The following GSDME variants were observed in gnomAD, a reference collection of about 807,000 sequenced individuals.
The protein encoded by GSDME is gasdermin-E.
GSDME carries 44 observed loss-of-function variants against 47.5 expected under a neutral mutation model. The observed-to-expected ratio is 0.93, with a 90% CI of 0.73 to 1.19. The LOEUF is 1.19. Ranked by LOEUF, GSDME falls within the 50% of genes most tolerant of loss-of-function variation. The pLI is 0.00. For missense variants in GSDME, 663 were observed against 604.2 expected (o/e 1.10, Z -1.02); for synonymous variants, 258 against 252.8 (o/e 1.02, Z -0.20).
At chr7:24,763,217 T>C in the GSDME span, among the ~76,000 whole-genome samples, 1 of 152,112 alleles carries the variant, frequency 6.6e-6, no homozygotes, top group Non-Finnish European at 1.5e-5. This position sits in a 1 kb window ranked among gnomAD's most constrained non-coding sequence, Gnocchi z 4.3. Context: ...CTAGCACAAA[T>C]TTCTTTTCTC....
chr7:24,786,914 T>G, the GSDME span, among the ~76,000 whole-genome samples: 1 of 152,306 alleles, frequency 6.6e-6, no homozygotes, highest in Non-Finnish European at 1.5e-5. The surrounding 1 kb of genome is among the most constrained non-coding windows in gnomAD (Gnocchi z 5.5). Context: ...TCTCTCTTAA[T>G]TCCCTGGGTT....
rs3038356 is a variant in GSDME at position 24,744,923 on chromosome 7, C to CGTGTGTGTGTGTGT, written c.212-183_212-170dup. Reference sequence around the variant, plus strand: ...GTGTGGGCAAGAAAACAGGGCAGCACGTGTGTGTGTGTGTGTGTGTGTGTG... The same window carrying CGTGTGTGTGTGTGT: ...GTGTGGGCAAGAAAACAGGGCAGCACGTGTGTGTGTGTGTGTGTGTGTGTGTGTGTGTGTGTGTG... On this transcript the variant is annotated intron_variant, in intron 2 of 9. Transcript: ENST00000645220. This position sits in a 1 kb window ranked among gnomAD's most constrained non-coding sequence, Gnocchi z 4.5. Among the ~76,000 whole-genome samples, 4,340 of 140,172 alleles carry CGTGTGTGTGTGTGT rather than the reference C, an allele frequency of 0.031. 104 individuals carry two copies. The highest frequency in any genetic ancestry group is 0.044 in the Non-Finnish European group (2,872 of 65,060). 92.0% of individuals were successfully genotyped at this position (140,172 alleles called of 152,430 possible). A position where few individuals can be genotyped will look rare whatever the true frequency, so the allele number is the denominator to read the frequency against.
chr7:24,749,424 C>T (rs886249757), intron 2 of GSDME, 140 bp downstream of exon 2: 2 of 731,198 alleles, frequency 2.7e-6, no homozygotes, highest in East Asian at 5.1e-5. Context: ...ATCACCTGAA[C>T]CTGGGAGGCA....
At chr7:24,707,634 G>A in intron 7 of GSDME, 1 of 356,114 alleles carries the variant, frequency 2.8e-6, no homozygotes, top group Non-Finnish European at 5.4e-6. Context: ...AGATTGGGGT[G>A]GGCCCTAAAT....
At chr7:24,708,304 C>A in intron 6 of GSDME, 50 bp from the exon 7 acceptor site, 1 of 1,610,108 alleles carries the variant, frequency 6.2e-7, no homozygotes, top group East Asian at 2.2e-5. Flanking sequence ...GCACATCTCA[C>A]GACGTCGGAC....
chr7:24,778,544 T>C, the GSDME span, among the ~76,000 whole-genome samples: 1 of 152,094 alleles, frequency 6.6e-6, no homozygotes, highest in African/African-American at 2.4e-5. The surrounding 1 kb of genome is among the most constrained non-coding windows in gnomAD (Gnocchi z 5.6). Flanking sequence ...ATACTAGAAT[T>C]GGGAAAGTCC....
intron 5 of GSDME, among the ~76,000 whole-genome samples, chr7:24,711,917 A>G (rs533008132): frequency 4.6e-5 from 7 of 152,048 alleles, no homozygotes; most frequent in Non-Finnish European, 8.8e-5. Flanking sequence ...GTAAGTTATT[A>G]CGTCCTTGCT....
At chr7:24,760,003 ATCT>A (rs1322877542), upstream of GSDME, among the ~76,000 whole-genome samples, 2 of 152,278 alleles carry the variant, frequency 1.3e-5, no homozygotes, top group African/African-American at 4.8e-5. The surrounding 1 kb of genome is among the most constrained non-coding windows in gnomAD (Gnocchi z 4.2). Context: ...TGGAACTCCA[ATCT>A]TCTTATTCCA....
At chr7:24,699,379 G>A (rs1415144343) in intron 9 of GSDME, 120 bp from the exon 10 acceptor site, 2 of 739,756 alleles carry the variant, frequency 2.7e-6, no homozygotes, top group Non-Finnish European at 4.8e-6. Flanking sequence ...GTCTTGCTCT[G>A]TCGTCCAGGC....
rs1451785062 is a variant in GSDME, at chr7:24,713,988, G to A, written c.697+3266C>T. On this transcript the variant is annotated intron_variant, in intron 5 of 9. Coordinates refer to ENST00000645220, the MANE Select transcript of GSDME (RefSeq NM_001127453.2). The stretch of plus-strand genomic sequence containing the variant: ...AGCGAGGTGGGGAAGCAGGGAGATG[G>A]TGTTAGGGCCAGTGGGGAGACGTGC... 3.9e-5 allele frequency among the ~76,000 whole-genome samples: 6 copies of A among 152,240 alleles called. No individual in the cohort carries two copies. In the East Asian group the frequency reaches 1.2e-3, roughly 29 times the overall value.
the GSDME span, among the ~76,000 whole-genome samples, chr7:24,770,782 A>ATTCCCAAACTGG: frequency 6.6e-6 from 1 of 152,060 alleles, no homozygotes; most frequent in Admixed American, 6.6e-5. The surrounding 1 kb of genome is among the most constrained non-coding windows in gnomAD (Gnocchi z 4.6). Flanking sequence ...GCTCATTCGT[A>ATTCCCAAACTGG]GACTGGACAC....
At chr7:24,794,690 C>G in the GSDME span, among the ~76,000 whole-genome samples, 5 of 152,200 alleles carry the variant, frequency 3.3e-5, no homozygotes, top group African/African-American at 1.2e-4. Flanking sequence ...TTCCATAGAC[C>G]CCACTGAATC....
At chr7:24,783,210 A>G in the GSDME span, among the ~76,000 whole-genome samples, 1 of 152,218 alleles carries the variant, frequency 6.6e-6, no homozygotes. Flanking sequence ...GGGTCTTGAG[A>G]TTCCCAAGAC....
At chr7:24,775,209 CTCTA>C in the GSDME span, among the ~76,000 whole-genome samples, 1 of 152,158 alleles carries the variant, frequency 6.6e-6, no homozygotes, top group African/African-American at 2.4e-5. Context: ...AACTTCTGAA[CTCTA>C]TCGTAAGTCT....
intron 9 of GSDME, among the ~76,000 whole-genome samples, chr7:24,701,919 T>G (rs1465782239): frequency 6.6e-6 from 1 of 152,210 alleles, no homozygotes; most frequent in East Asian, 1.9e-4. Flanking sequence ...CCAGAGTAGA[T>G]GTATACCAAA....
rs367937038 is a variant in GSDME at position 24,708,290 on chromosome 7, C to T, written c.863-36G>A. On this transcript the variant is annotated intron_variant, in intron 6 of 9. Coordinates refer to ENST00000645220, the MANE Select transcript of GSDME (RefSeq NM_001127453.2). ...AAAGCACACCCAAGTCTCATGACTG[C>T]GATGCACATCTCACGACGTCGGACA... 85 of 1,613,292 alleles carry T rather than the reference C, an allele frequency of 5.3e-5. No homozygotes were observed. In the African/African-American group the frequency reaches 8.8e-4, roughly 17 times the overall value.
chr7:24,770,054 A>C, the GSDME span, among the ~76,000 whole-genome samples: 12 of 152,198 alleles, frequency 7.9e-5, no homozygotes, highest in African/African-American at 2.9e-4. The surrounding 1 kb of genome is among the most constrained non-coding windows in gnomAD (Gnocchi z 4.6). Context: ...TGACTTCAGA[A>C]TGGGACTTGT....
chr7:24,770,493 G>A, the GSDME span, among the ~76,000 whole-genome samples: 1 of 152,198 alleles, frequency 6.6e-6, no homozygotes, highest in African/African-American at 2.4e-5. This position sits in a 1 kb window ranked among gnomAD's most constrained non-coding sequence, Gnocchi z 4.6. Flanking sequence ...ACACAGAAGT[G>A]TGGGTTACTT....
chr7:24,719,757 C>A (rs911859362), intron 3 of GSDME, among the ~76,000 whole-genome samples: 1 of 151,784 alleles, frequency 6.6e-6, no homozygotes, highest in Non-Finnish European at 1.5e-5. Flanking sequence ...CATGCCATTG[C>A]GCTCCAGCCA....
Sources: allele counts gnomAD v4.1 joint callset (sites outside exome capture counted in the v4.1 genomes callset), GRCh38; gene constraint gnomAD v4.1.1; non-coding constraint Gnocchi (gnomAD v3.1); transcripts MANE v1.5; gene names NCBI Gene and HGNC (gene_info 2026-07-23, HGNC 2026-07-21).